Variants in DYNC1LI1 observed in about 807,000 individuals in gnomAD.
The protein encoded by DYNC1LI1 is cytoplasmic dynein 1 light intermediate chain 1.
DYNC1LI1 carries 19 observed loss-of-function variants against 63.8 expected under a neutral mutation model. The observed-to-expected ratio is 0.30, with a 90% CI of 0.21 to 0.44. The LOEUF (loss-of-function observed/expected upper bound fraction) is 0.44, where lower values mean the gene tolerates loss of function less well. Among genes scored for constraint, DYNC1LI1 ranks in the 20% least tolerant of loss-of-function variants. The pLI is 1.00. For synonymous variants in DYNC1LI1, 225 were observed against 232.3 expected, an observed-to-expected ratio of 0.97 and a Z score of 0.28; for missense variants, 565 against 630.2, an observed-to-expected ratio of 0.90 and a Z score of 1.11.
chr3:32,534,565 T>G lies in DYNC1LI1; in HGVS notation c.914A>C (p.Tyr305Ser), dbSNP rs1412693742. ...LVYKYIVQKL[Y>S]GFPYKIPAVV... ...AGCAGGAATCTTATAGGGAAATCCA[T>G]ATAGTTTCTGAACGATGTATTTATA... Residue 305 changes from tyrosine to serine, a missense_variant, in exon 7 of 13, where the codon TAT (tyrosine) becomes TCT (serine). Transcript: ENST00000273130. 44 of 1,599,544 alleles carry G rather than the reference T, an allele frequency of 2.8e-5. No homozygotes were observed. The highest frequency in any genetic ancestry group is 3.8e-5 in the Non-Finnish European group (44 of 1,170,194).
intron 2 of DYNC1LI1, among the ~76,000 whole-genome samples, chr3:32,558,403 T>TAAAAAAAAAAAAAAAAAA (rs533076265): frequency 1.1e-5 from 1 of 90,392 alleles, no homozygotes; most frequent in Non-Finnish European, 2.1e-5. Flanking sequence ...TTTAAAAATG[T>TAAAAAAAAAAAAAAAAAA]AAAAAAAAAA....
At chr3:32,544,358 C>T (rs1418347224) in intron 4 of DYNC1LI1, among the ~76,000 whole-genome samples, 1 of 152,146 alleles carries the variant, frequency 6.6e-6, no homozygotes, top group Non-Finnish European at 1.5e-5. Context: ...AAAATGAACA[C>T]ACACAGCTTT....
intron 5 of DYNC1LI1, among the ~76,000 whole-genome samples, chr3:32,538,036 T>TTTATATATATA (rs1697819317): frequency 1.1e-4 from 1 of 9,054 alleles, no homozygotes; most frequent in Non-Finnish European, 1.4e-4. Flanking sequence ...ATATATATAA[T>TTTATATATATA]ATATATATAT....
chr3:32,526,629 C>A lies in DYNC1LI1; in HGVS notation c.*170G>T. 1 of 533,624 alleles carries A rather than the reference C, an allele frequency of 1.9e-6. No individual in the cohort carries two copies. Among genetic ancestry groups the A allele is most frequent in the Non-Finnish European group, 3.4e-6 (1 of 294,000 alleles). 33.1% of individuals were successfully genotyped at this position (533,624 alleles called of 1,614,324 possible). On this transcript the variant is annotated 3_prime_UTR_variant, in exon 13 of 13. Coordinates refer to ENST00000273130, the MANE Select transcript of DYNC1LI1 (RefSeq NM_016141.4). ...AATGTAGAATAATTTTTCTTCTGTA[C>A]GGCTCCTTCTAAAAAATGGGTAACC...
intron 12 of DYNC1LI1, 56 bp from the exon 13 acceptor site, chr3:32,526,964 T>C: frequency 1.7e-6 from 2 of 1,198,510 alleles, no homozygotes; most frequent in Non-Finnish European, 2.4e-6. Context: ...AAGTATCGTT[T>C]TCACCAATAT....
intron 3 of DYNC1LI1, 94 bp downstream of exon 3, chr3:32,545,754 TA>T: frequency 1.2e-6 from 1 of 840,134 alleles, no homozygotes; most frequent in Non-Finnish European, 2.0e-6. Flanking sequence ...GAACTTCTAG[TA>T]AAAAATTACA....
At chr3:32,555,871 T>C (rs1698108065) in intron 2 of DYNC1LI1, among the ~76,000 whole-genome samples, 1 of 152,230 alleles carries the variant, frequency 6.6e-6, no homozygotes, top group East Asian at 1.9e-4. Context: ...ATGTTAATGG[T>C]AGAATCTAGG....
At chr3:32,535,233 C>T (rs968123883) in intron 6 of DYNC1LI1, among the ~76,000 whole-genome samples, 1 of 152,180 alleles carries the variant, frequency 6.6e-6, no homozygotes, top group African/African-American at 2.4e-5. Flanking sequence ...CTTGAAATAA[C>T]ACAACCTCAC....
Position 32,528,613 on chromosome 3 carries a change from T to TAAAAAAAC in DYNC1LI1, c.1307-20_1307-13dup, listed in dbSNP as rs1697654491. On this transcript the variant is annotated splice_polypyrimidine_tract_variant and intron_variant, in intron 11 of 12. Transcript: ENST00000273130. ...ACTTGTAGCTCCAGCTATAAAAAAATAAAAAAACAAAAAGCTTTAGCCAAA... is the reference window on the plus strand; with the variant it reads ...ACTTGTAGCTCCAGCTATAAAAAAATAAAAAAACAAAAAAACAAAAAGCTTTAGCCAAA... The TAAAAAAAC allele has an allele frequency of 6.3e-7, 1 of 1,583,566 alleles. No homozygotes were observed. The highest frequency in any genetic ancestry group is 1.2e-5 in the South Asian group (1 of 85,456).
chr3:32,534,634 A>G lies in DYNC1LI1; in HGVS notation c.845T>C (p.Leu282Pro). ...GTTTTCTTTTACTGAAGTGTAAATA[A>G]GTGCTGCACCATCTGAATAATATGG... ...RKFCLQYGAA[L>P]IYTSVKENKN... The change falls in exon 7 of 13, where the codon CTT (leucine) becomes CCT (proline). Residue 282 changes from leucine to proline, a missense_variant. Coordinates refer to ENST00000273130, the MANE Select transcript of DYNC1LI1 (RefSeq NM_016141.4). 10 of 1,579,490 alleles carry G rather than the reference A, an allele frequency of 6.3e-6. No individual in the cohort carries two copies. The highest frequency in any genetic ancestry group is 8.6e-6 in the Non-Finnish European group (10 of 1,166,406).
intron 2 of DYNC1LI1, among the ~76,000 whole-genome samples, chr3:32,563,281 G>A (rs1008468857): frequency 6.6e-6 from 1 of 150,902 alleles, no homozygotes; most frequent in Non-Finnish European, 1.5e-5. Flanking sequence ...TTAGTCCATG[G>A]TCACTTACTT....
intron 2 of DYNC1LI1, among the ~76,000 whole-genome samples, chr3:32,554,409 T>C (rs1413955390): frequency 6.6e-6 from 1 of 152,222 alleles, no homozygotes. Flanking sequence ...CCCCACCCTG[T>C]GATTTCAAAA....
intron 2 of DYNC1LI1, among the ~76,000 whole-genome samples, chr3:32,551,611 C>T (rs774909741): frequency 3.9e-5 from 6 of 152,052 alleles, no homozygotes; most frequent in Non-Finnish European, 8.8e-5. Flanking sequence ...AGACAATAGG[C>T]TATTAATGGA....
chr3:32,568,087 C>T (rs1308038121), intron 2 of DYNC1LI1, among the ~76,000 whole-genome samples: 2 of 152,244 alleles, frequency 1.3e-5, no homozygotes, highest in South Asian at 2.1e-4. Flanking sequence ...ATCCACCCCT[C>T]GGCCTCCCAA....
In DYNC1LI1 at chr3:32,526,875, A is replaced by G; in HGVS notation, c.1496T>C (p.Leu499Pro). 6.2e-7 allele frequency: 1 copy of G among 1,614,066 alleles called. No individual in the cohort carries two copies. Among genetic ancestry groups the G allele is most frequent in the Middle Eastern group, 1.7e-4 (1 of 6,060 alleles). The change falls in exon 13 of 13, where the codon CTA becomes CCA. Residue 499 changes from leucine (L) to proline (P), a missense_variant. Leu to Pro is a moderately conservative substitution (Grantham distance 98, BLOSUM62 -3). Transcript: ENST00000273130. Reference sequence around the variant, plus strand: ...AACTGGTTTTCGTGTAATTCTGTCTAGTTCTGCATGAACATCTAAGACAGG... The same window carrying G: ...AACTGGTTTTCGTGTAATTCTGTCTGGTTCTGCATGAACATCTAAGACAGG... ...QKPVLDVHAELDRITRKPVTV... is the reference protein window; with the variant it reads ...QKPVLDVHAEPDRITRKPVTV...
At chr3:32,557,336 C>T (rs753445087) in intron 2 of DYNC1LI1, among the ~76,000 whole-genome samples, 4 of 151,494 alleles carry the variant, frequency 2.6e-5, no homozygotes, top group East Asian at 1.9e-4. Context: ...GCCAACATGA[C>T]GAAACCCTAT....
At chr3:32,533,209 G>A in intron 7 of DYNC1LI1, 112 bp from the exon 8 acceptor site, 1 of 1,380,834 alleles carries the variant, frequency 7.2e-7, no homozygotes. Context: ...AACAATTATG[G>A]AAAACGAATT....
chr3:32,559,346 T>C (rs1184280900), intron 2 of DYNC1LI1, among the ~76,000 whole-genome samples: 2 of 152,104 alleles, frequency 1.3e-5, no homozygotes, highest in Non-Finnish European at 2.9e-5. Context: ...GCTCAAGTGA[T>C]CCTCCCACTT....
At chr3:32,555,431 C>G (rs9852319) in intron 2 of DYNC1LI1, among the ~76,000 whole-genome samples, 4,503 of 152,276 alleles carry the variant, frequency 0.03, 238 homozygotes, top group African/African-American at 0.1. Context: ...TTTTTATCTC[C>G]TATTTTCCAG....
Sources: gnomAD v4.1 joint callset for allele counts (sites outside exome capture counted in the v4.1 genomes callset) on GRCh38, gnomAD v4.1.1 for gene constraint, MANE v1.5 for transcripts, NCBI Gene and HGNC (gene_info 2026-07-23, HGNC 2026-07-21) for gene names.